B3GALT1: variants seen among roughly 807,000 people sequenced by gnomAD.
B3GALT1 encodes the protein beta-1,3-galactosyltransferase 1, also known as UDP-Gal:betaGlcNAc beta 1,3-galactosyltransferase, polypeptide 1.
B3GALT1 carries 10 observed loss-of-function variants against 23.2 expected under a neutral mutation model. The observed-to-expected ratio is 0.43, with a 90% CI of 0.27 to 0.73. B3GALT1 has a LOEUF of 0.73. Among genes scored for constraint, B3GALT1 ranks in the 30% least tolerant of loss-of-function variants. The pLI, the probability that B3GALT1 is intolerant of heterozygous loss-of-function variation, is 0.21. For missense variants in B3GALT1, 299 were observed against 405.4 expected, an observed-to-expected ratio of 0.74 and a Z score of 2.25; for synonymous variants, 156 against 141.5, an observed-to-expected ratio of 1.10 and a Z score of -0.73.
At chr2:167,421,952 A>T (rs1360827696) in intron 1 of B3GALT1, among the ~76,000 whole-genome samples, 1 of 152,186 alleles carries the variant, frequency 6.6e-6, no homozygotes, top group Non-Finnish European at 1.5e-5. Context: ...ATTATCACAC[A>T]AAAAGGCAAC....
intron 3 of B3GALT1, among the ~76,000 whole-genome samples, chr2:167,817,646 G>T (rs1689021650): frequency 1.3e-5 from 2 of 152,138 alleles, no homozygotes; most frequent in South Asian, 4.2e-4. Flanking sequence ...TTCACATGGG[G>T]CCACACTGCT....
At chr2:167,376,884 G>A (rs1608519) in intron 1 of B3GALT1, among the ~76,000 whole-genome samples, 122,845 of 151,998 alleles carry the variant, frequency 0.81, 51,429 homozygotes, top group East Asian at 0.92. Flanking sequence ...TTCTGCTGGC[G>A]TTGAGATTAA....
chr2:167,678,087 C>T (rs1014289059), intron 3 of B3GALT1, among the ~76,000 whole-genome samples: 9 of 152,080 alleles, frequency 5.9e-5, no homozygotes, highest in Non-Finnish European at 1.2e-4. Context: ...ACCATATCAC[C>T]CCCCTTATCC....
intron 1 of B3GALT1, among the ~76,000 whole-genome samples, chr2:167,456,971 T>A (rs1269198616): frequency 6.6e-6 from 1 of 152,146 alleles, no homozygotes; most frequent in Non-Finnish European, 1.5e-5. Context: ...AGAGTGGGGC[T>A]AACCTCGCTT....
At chr2:167,704,008 C>A (rs540855321) in intron 3 of B3GALT1, among the ~76,000 whole-genome samples, 1 of 151,672 alleles carries the variant, frequency 6.6e-6, no homozygotes, top group Admixed American at 6.6e-5. Context: ...GGTGAAACCC[C>A]GTCTCTACTA....
At chr2:167,564,347 C>T (rs1055901664) in intron 2 of B3GALT1, among the ~76,000 whole-genome samples, 3 of 150,300 alleles carry the variant, frequency 2.0e-5, no homozygotes, top group Non-Finnish European at 4.4e-5. Context: ...GATGGGACGG[C>T]GGCCGGGCAG....
chr2:167,719,570 T>C (rs972495276), intron 3 of B3GALT1, among the ~76,000 whole-genome samples: 3 of 152,242 alleles, frequency 2.0e-5, no homozygotes, highest in African/African-American at 7.2e-5. Context: ...GGTCACTAGA[T>C]ACAACTGCTT....
intron 1 of B3GALT1, among the ~76,000 whole-genome samples, chr2:167,454,951 C>G (rs1699146550): frequency 6.6e-6 from 1 of 152,218 alleles, no homozygotes; most frequent in South Asian, 2.1e-4. Context: ...TTGTGCATTT[C>G]TGTGCCTGGG....
chr2:167,395,828 A>G (rs1048668401), intron 1 of B3GALT1, among the ~76,000 whole-genome samples: 6 of 152,116 alleles, frequency 3.9e-5, no homozygotes, highest in Non-Finnish European at 8.8e-5. Flanking sequence ...TGTAATGGGG[A>G]TGGGAGTTGG....
chr2:167,703,642 G>T (rs1268760921), intron 3 of B3GALT1, among the ~76,000 whole-genome samples: 1 of 152,190 alleles, frequency 6.6e-6, no homozygotes, highest in South Asian at 2.1e-4. Flanking sequence ...TAAGAAAGCA[G>T]AAACGCTTGG....
chr2:167,398,899 T>C (rs1698142131), intron 1 of B3GALT1, among the ~76,000 whole-genome samples: 1 of 152,134 alleles, frequency 6.6e-6, no homozygotes, highest in Non-Finnish European at 1.5e-5. Flanking sequence ...GCTCAGTCTT[T>C]AGGGATCTCG....
intron 3 of B3GALT1, chr2:167,715,466 G>T (rs1687127950): frequency 6.2e-7 from 1 of 1,606,554 alleles, no homozygotes; most frequent in Middle Eastern, 1.7e-4. Flanking sequence ...TCGTTCTTCA[G>T]TCATTGGAAG....
At chr2:167,617,324 A>T (rs1182042129) in intron 2 of B3GALT1, among the ~76,000 whole-genome samples, 1 of 152,090 alleles carries the variant, frequency 6.6e-6, no homozygotes, top group African/African-American at 2.4e-5. Flanking sequence ...GTTCCATCTC[A>T]GCAAACTTCA....
chr2:167,681,679 A>G (rs13416657), intron 3 of B3GALT1, among the ~76,000 whole-genome samples: 1,804 of 152,346 alleles, frequency 0.012, 31 homozygotes, highest in African/African-American at 0.041. Context: ...GCTACTTCCA[A>G]TCAGTATCAC....
intron 3 of B3GALT1, among the ~76,000 whole-genome samples, chr2:167,763,657 C>T (rs1320270610): frequency 7.5e-6 from 1 of 132,520 alleles, no homozygotes; most frequent in Non-Finnish European, 1.6e-5. Flanking sequence ...CTCTACTACA[C>T]TCTAACCTGA....
intron 1 of B3GALT1, among the ~76,000 whole-genome samples, chr2:167,451,556 G>A (rs551414457): frequency 1.1e-3 from 167 of 152,296 alleles, no homozygotes; most frequent in African/African-American, 3.8e-3. Context: ...CCATCTGCAG[G>A]TCTCTCAGCC....
At chr2:167,389,595 C>T (rs1440574307) in intron 1 of B3GALT1, among the ~76,000 whole-genome samples, 1 of 152,022 alleles carries the variant, frequency 6.6e-6, no homozygotes, top group Non-Finnish European at 1.5e-5. Flanking sequence ...AACAGGCCTC[C>T]GAAATGGGGA....
chr2:167,375,585 T>G (rs1365141929), intron 1 of B3GALT1, among the ~76,000 whole-genome samples: 1 of 152,174 alleles, frequency 6.6e-6, no homozygotes, highest in Non-Finnish European at 1.5e-5. Flanking sequence ...CTAGGTATTT[T>G]TTTTGTGTGT....
intron 1 of B3GALT1, among the ~76,000 whole-genome samples, chr2:167,484,021 G>A (rs1468397571): frequency 1.3e-5 from 2 of 152,124 alleles, no homozygotes; most frequent in African/African-American, 4.8e-5. Context: ...AGCTCCATAT[G>A]AGCCCTATTG....
Sources: allele counts gnomAD v4.1 joint callset (sites outside exome capture counted in the v4.1 genomes callset), GRCh38; gene constraint gnomAD v4.1.1; transcripts MANE v1.5; gene names NCBI Gene and HGNC (gene_info 2026-07-23, HGNC 2026-07-21).